The following SPATS2 variants were observed in gnomAD, a reference collection of about 807,000 sequenced individuals.
SPATS2 encodes spermatogenesis associated serine rich 2.
Under a neutral mutation model 63.7 loss-of-function variants are expected in SPATS2, and 38 were observed. The ratio of observed to expected loss-of-function variants is 0.60; its 90% confidence interval spans 0.46 to 0.78. The LOEUF (loss-of-function observed/expected upper bound fraction) is 0.78. SPATS2 is among the 30% of genes least tolerant of loss of function. The pLI is 0.00. For synonymous variants in SPATS2, 207 were observed against 232.9 expected (o/e 0.89, Z 1.01); for missense variants, 588 against 666.2 (o/e 0.88, Z 1.29).
chr12:49,437,711 C>G (rs111691305), intron 2 of SPATS2, among the ~76,000 whole-genome samples: 4,024 of 151,544 alleles, frequency 0.027, 191 homozygotes, highest in African/African-American at 0.092. Flanking sequence ...CGCCTGCAAT[C>G]GCAGGCACTG....
chr12:49,478,932 C>A (rs1247993013), intron 3 of SPATS2, among the ~76,000 whole-genome samples: 1 of 152,034 alleles, frequency 6.6e-6, no homozygotes, highest in Non-Finnish European at 1.5e-5. Flanking sequence ...TCAGCGGAGA[C>A]CCGCAGTGGG....
intron 2 of SPATS2, among the ~76,000 whole-genome samples, chr12:49,415,651 A>G (rs1944876836): frequency 6.6e-6 from 1 of 152,186 alleles, no homozygotes; most frequent in African/African-American, 2.4e-5. Flanking sequence ...GTGGTTACCC[A>G]ATAAAATTCT....
intron 2 of SPATS2, among the ~76,000 whole-genome samples, chr12:49,443,232 C>G (rs1187637214): frequency 1.3e-5 from 2 of 152,186 alleles, no homozygotes; most frequent in Non-Finnish European, 2.9e-5. Flanking sequence ...CTCTGAGACT[C>G]TACTTTCATT....
At chr12:49,368,784 C>A (rs935930924) in intron 1 of SPATS2, among the ~76,000 whole-genome samples, 6 of 152,006 alleles carry the variant, frequency 3.9e-5, no homozygotes, top group African/African-American at 1.2e-4. Context: ...ATTGTAATGA[C>A]CATTGTGTGC....
intron 2 of SPATS2, among the ~76,000 whole-genome samples, chr12:49,456,571 T>G (rs1475553039): frequency 6.6e-6 from 1 of 152,158 alleles, no homozygotes; most frequent in East Asian, 1.9e-4. Context: ...ATAATTTTAA[T>G]AGCAGCCATA....
At chr12:49,459,528 G>A (rs1945780514) in intron 2 of SPATS2, among the ~76,000 whole-genome samples, 1 of 151,318 alleles carries the variant, frequency 6.6e-6, no homozygotes, top group Non-Finnish European at 1.5e-5. Flanking sequence ...TTGTATTTTT[G>A]GTAGAGACGG....
intron 2 of SPATS2, among the ~76,000 whole-genome samples, chr12:49,415,311 C>T (rs1203044475): frequency 6.6e-6 from 1 of 152,160 alleles, no homozygotes; most frequent in Admixed American, 6.5e-5. Flanking sequence ...TCCCAAAGTG[C>T]TGGGATTACA....
At chr12:49,498,132 CAAAAAA>C (rs71439501) in intron 8 of SPATS2, among the ~76,000 whole-genome samples, 1 of 117,296 alleles carries the variant, frequency 8.5e-6, no homozygotes, top group East Asian at 2.1e-4. Flanking sequence ...CCAATCAAGC[CAAAAAA>C]AAAAAAAATA....
intron 2 of SPATS2, among the ~76,000 whole-genome samples, chr12:49,408,890 T>C (rs11168999): frequency 0.023 from 3,460 of 152,228 alleles, 49 homozygotes; most frequent in African/African-American, 0.035. Flanking sequence ...ACAAGATTCT[T>C]TTACATGTTA....
chr12:49,487,142 T>C (rs1946308487), intron 4 of SPATS2, among the ~76,000 whole-genome samples: 1 of 152,178 alleles, frequency 6.6e-6, no homozygotes, highest in Non-Finnish European at 1.5e-5. Context: ...TGCAATTCTT[T>C]TACCCTTTAA....
chr12:49,389,835 C>T, intron 2 of SPATS2: 1 of 894,986 alleles, frequency 1.1e-6, no homozygotes, highest in Non-Finnish European at 1.9e-6. Flanking sequence ...GTATCGAGAA[C>T]AAATGGTTAG....
At chr12:49,420,359 C>T (rs1428010086) in intron 2 of SPATS2, among the ~76,000 whole-genome samples, 3 of 152,100 alleles carry the variant, frequency 2.0e-5, no homozygotes, top group Admixed American at 6.5e-5. Context: ...TTTGGGAGGC[C>T]GCGGCCAGCA....
chr12:49,382,291 A>G (rs1486229963), intron 2 of SPATS2, among the ~76,000 whole-genome samples: 1 of 152,232 alleles, frequency 6.6e-6, no homozygotes, highest in Non-Finnish European at 1.5e-5. Context: ...GCACTTAAAA[A>G]TTTTTAAAGC....
At chr12:49,488,004 T>C (rs1265348143) in intron 4 of SPATS2, among the ~76,000 whole-genome samples, 4 of 152,124 alleles carry the variant, frequency 2.6e-5, no homozygotes, top group East Asian at 1.9e-4. Flanking sequence ...TTACTTCTTA[T>C]GTTCAGCTAT....
At chr12:49,497,735 ACT>A (rs1182394115) in intron 8 of SPATS2, among the ~76,000 whole-genome samples, 7 of 151,988 alleles carry the variant, frequency 4.6e-5, no homozygotes, top group Non-Finnish European at 1.0e-4. Flanking sequence ...CCTCTTCATA[ACT>A]TCATGCTCTT....
At chr12:49,454,621 G>A (rs1186567350) in intron 2 of SPATS2, among the ~76,000 whole-genome samples, 1 of 152,232 alleles carries the variant, frequency 6.6e-6, no homozygotes, top group Non-Finnish European at 1.5e-5. Flanking sequence ...GGTGGCTCAT[G>A]CCTGTCATCC....
At chr12:49,524,659 T>C in intron 12 of SPATS2, 23 bp from the exon 13 acceptor site, 1 of 1,606,062 alleles carries the variant, frequency 6.2e-7, no homozygotes, top group African/African-American at 1.3e-5. Context: ...TATGATCATA[T>C]ATTCCTCATA....
chr12:49,453,221 C>T (rs1196119392), intron 2 of SPATS2, among the ~76,000 whole-genome samples: 1 of 151,234 alleles, frequency 6.6e-6, no homozygotes, highest in African/African-American at 2.4e-5. Context: ...TGGGCCTACT[C>T]GGGGGCATTT....
At chr12:49,389,466 C>A in intron 2 of SPATS2, 1 of 727,288 alleles carries the variant, frequency 1.4e-6, no homozygotes, top group Non-Finnish European at 2.5e-6. Flanking sequence ...GAGTCCTCAT[C>A]GCCACAGCTG....
Sources: gnomAD v4.1 joint callset for allele counts (sites outside exome capture counted in the v4.1 genomes callset) on GRCh38, gnomAD v4.1.1 for gene constraint, MANE v1.5 for transcripts, NCBI Gene and HGNC (gene_info 2026-07-23, HGNC 2026-07-21) for gene names.